The following GAD2 variants were observed in gnomAD, a reference collection of about 807,000 sequenced individuals.
The protein encoded by GAD2 is 65 kDa glutamic acid decarboxylase.
In GAD2, 22 loss-of-function variants were observed where a neutral mutation model predicts 80.1. The ratio of observed to expected loss-of-function variants is 0.27; its 90% CI spans 0.20 to 0.39. The LOEUF is 0.39. GAD2 is among the 10% of genes least tolerant of loss of function. The pLI is 1.00. For missense variants in GAD2, 624 were observed against 738.4 expected (o/e 0.85, Z 1.80); for synonymous variants, 274 against 256.9 (o/e 1.07, Z -0.64).
intron 8 of GAD2, among the ~76,000 whole-genome samples, chr10:26,249,924 C>T (rs772866718): frequency 1.1e-4 from 17 of 151,962 alleles, no homozygotes; most frequent in African/African-American, 3.1e-4. Context: ...ACCAGGAGGG[C>T]GGAGAAGGAG....
chr10:26,300,678 A>C, intron 15 of GAD2, 110 bp from the exon 16 acceptor site: 1 of 913,754 alleles, frequency 1.1e-6, no homozygotes, highest in Admixed American at 2.3e-5. Flanking sequence ...GAAAACAATA[A>C]GGTTCTGACT....
intron 6 of GAD2, among the ~76,000 whole-genome samples, chr10:26,228,491 G>A (rs1410823855): frequency 1.1e-4 from 17 of 152,216 alleles, no homozygotes. Context: ...AGATGAGTAT[G>A]ATGAGATGGA....
At chr10:26,234,217 G>A (rs966566742) in intron 7 of GAD2, among the ~76,000 whole-genome samples, 2 of 151,822 alleles carry the variant, frequency 1.3e-5, no homozygotes, top group South Asian at 2.1e-4. Context: ...CCAGCTACTC[G>A]GGAGGCTGAG....
Position 26,301,733 on chromosome 10 carries a change from G to T in GAD2, c.*772G>T, listed in dbSNP as rs1281775894. 1.3e-5 allele frequency: 2 copies of T among 152,114 alleles called. No homozygotes were observed. Among genetic ancestry groups the T allele is most frequent in the Admixed American group, 6.5e-5 (1 of 15,270 alleles). 9.4% of individuals were successfully genotyped at this position (152,114 alleles called of 1,614,324 possible). The stretch of plus-strand genomic sequence containing the variant: ...TTCAAGACAAACACAAAAGAATACT[G>T]CGAGTTCTTTAAAATAATTGATCCC... On this transcript the variant is annotated 3_prime_UTR_variant, in exon 16 of 16. Transcript: ENST00000376261.
chr10:26,223,464 T>C (rs1844479067), intron 4 of GAD2, among the ~76,000 whole-genome samples: 1 of 152,188 alleles, frequency 6.6e-6, no homozygotes, highest in African/African-American at 2.4e-5. Context: ...AAAAAGGACT[T>C]CTAGCAGCAT....
rs538859936 is a variant in GAD2, at chr10:26,276,986, T to C, written c.1157+3286T>C. On this transcript the variant is annotated intron_variant, in intron 11 of 15. Transcript: ENST00000376261. ...GGAGTTCAGAATCTAGTGGGGAAGA[T>C]TGTCAATGAACAGTGGATTAAAATT... Among the ~76,000 whole-genome samples, 5 of 152,254 alleles carry C rather than the reference T, an allele frequency of 3.3e-5. No homozygotes were observed. In the East Asian group the frequency reaches 9.6e-4, roughly 29 times the overall value.
chr10:26,261,286 GA>G (rs1202481791), intron 8 of GAD2, among the ~76,000 whole-genome samples: 2 of 152,080 alleles, frequency 1.3e-5, no homozygotes, highest in Non-Finnish European at 2.9e-5. Context: ...TTTTCCCCTA[GA>G]AATTTTGTGT....
At chr10:26,253,037 A>C (rs1317206800) in intron 8 of GAD2, among the ~76,000 whole-genome samples, 4 of 152,310 alleles carry the variant, frequency 2.6e-5, no homozygotes, top group East Asian at 1.9e-4. Flanking sequence ...GTTAAAACAA[A>C]AAAAAAAGTT....
chr10:26,289,971 T>A (rs141388133), intron 13 of GAD2, among the ~76,000 whole-genome samples: 1 of 152,204 alleles, frequency 6.6e-6, no homozygotes, highest in East Asian at 1.9e-4. Flanking sequence ...AGCAAATCTC[T>A]GTGTTTGTAT....
intron 6 of GAD2, among the ~76,000 whole-genome samples, chr10:26,226,779 A>G (rs1424792853): frequency 1.3e-5 from 2 of 152,214 alleles, no homozygotes; most frequent in African/African-American, 2.4e-5. Context: ...TTCATGCTTC[A>G]TGGAAAGTCC....
chr10:26,240,933 TC>T (rs1187423626), intron 7 of GAD2, among the ~76,000 whole-genome samples: 1 of 151,572 alleles, frequency 6.6e-6, no homozygotes, highest in Non-Finnish European at 1.5e-5. Flanking sequence ...TCCCAGCTAC[TC>T]CGGAGGCTGA....
chr10:26,224,679 T>C lies in GAD2; in HGVS notation c.724+28T>C, dbSNP rs200222876. On this transcript the variant is annotated intron_variant, in intron 6 of 15. Coordinates refer to ENST00000376261, the MANE Select transcript of GAD2 (RefSeq NM_001134366.2). Reference sequence around the variant, plus strand: ...ACATGATATTTCAACTTTCTTTGTGTTTTTTCTTCTAATATGCAATGCCTT... The same window carrying C: ...ACATGATATTTCAACTTTCTTTGTGCTTTTTCTTCTAATATGCAATGCCTT... 107 of 1,513,982 alleles carry C rather than the reference T, an allele frequency of 7.1e-5. No homozygotes were observed. In the African/African-American group the frequency reaches 1.5e-3, roughly 21 times the overall value. The allele number at this position is 1,513,982 out of a possible 1,614,324, so 93.8% of individuals were successfully genotyped here. A position where few individuals can be genotyped will look rare whatever the true frequency, so the allele number is the denominator to read the frequency against.
rs879605198 is a variant in GAD2 at position 26,302,112 on chromosome 10, G to A, written c.*1151G>A. ...GTGGGACAATAATGACATCATCCTGGCGCCATATTGCCACTGTCCAGGAAA... is the reference window on the plus strand; with the variant it reads ...GTGGGACAATAATGACATCATCCTGACGCCATATTGCCACTGTCCAGGAAA... On this transcript the variant is annotated 3_prime_UTR_variant, in exon 16 of 16. Transcript: ENST00000376261. 7 of 151,982 alleles carry A rather than the reference G, an allele frequency of 4.6e-5. No homozygotes were observed. The highest frequency in any genetic ancestry group is 1.0e-4 in the Non-Finnish European group (7 of 68,006). The allele number at this position is 151,982 out of a possible 1,614,324, so 9.4% of individuals were successfully genotyped here.
chr10:26,229,282 A>G (rs1844568594), intron 6 of GAD2, among the ~76,000 whole-genome samples: 1 of 149,306 alleles, frequency 6.7e-6, no homozygotes, highest in Non-Finnish European at 1.5e-5. Context: ...ATGAGTTGAA[A>G]TGAAAAAAAA....
intron 6 of GAD2, among the ~76,000 whole-genome samples, chr10:26,225,987 C>T (rs541372866): frequency 9.2e-5 from 14 of 152,070 alleles, no homozygotes; most frequent in Non-Finnish European, 1.5e-4. Flanking sequence ...TACAGAGATC[C>T]ACATCATTTC....
chr10:26,239,802 C>T (rs532479943), intron 7 of GAD2, among the ~76,000 whole-genome samples: 6 of 152,224 alleles, frequency 3.9e-5, no homozygotes, highest in South Asian at 2.1e-4. Flanking sequence ...GGAAAATGAA[C>T]GGCAAGTGCA....
At chr10:26,245,157 A>AAC (rs1844789551) in intron 7 of GAD2, among the ~76,000 whole-genome samples, 1 of 145,944 alleles carries the variant, frequency 6.9e-6, no homozygotes, top group African/African-American at 2.7e-5. Context: ...CTGTCTCAAA[A>AAC]AAAAAAAAAA....
intron 13 of GAD2, among the ~76,000 whole-genome samples, chr10:26,287,636 G>T (rs1472387789): frequency 6.6e-6 from 1 of 152,216 alleles, no homozygotes; most frequent in South Asian, 2.1e-4. Context: ...TGTATGTAAG[G>T]TTGTGGTGGC....
intron 4 of GAD2, 131 bp from the exon 5 acceptor site, chr10:26,223,756 T>A (rs1001335212): frequency 1.5e-5 from 9 of 595,718 alleles, no homozygotes; most frequent in Non-Finnish European, 2.7e-5. Context: ...TGTGTACATG[T>A]TGGATTTCTA....
Sources: gnomAD v4.1 joint callset for allele counts (sites outside exome capture counted in the v4.1 genomes callset) on GRCh38, gnomAD v4.1.1 for gene constraint, MANE v1.5 for transcripts, NCBI Gene and HGNC (gene_info 2026-07-23, HGNC 2026-07-21) for gene names.